The following MARS1 variants were observed in gnomAD, a reference collection of about 807,000 sequenced individuals.
MARS1 encodes the protein methionyl-tRNA synthetase 1, also known as methionine--tRNA ligase, cytoplasmic.
A neutral mutation model predicts 119.5 loss-of-function variants in MARS1; 80 were observed. The ratio of observed to expected loss-of-function variants is 0.67; its 90% CI spans 0.56 to 0.81. The LOEUF (loss-of-function observed/expected upper bound fraction) is 0.81, where lower values mean the gene tolerates loss of function less well. MARS1 is among the 30% of genes least tolerant of loss of function. The probability of loss-of-function intolerance (pLI) is 0.00; values close to 1 mark genes in which losing one functional copy is unlikely to be tolerated. For synonymous variants in MARS1, 418 were observed against 433.4 expected (o/e 0.96, Z 0.44); for missense variants, 945 against 1,116.5 (o/e 0.85, Z 2.19).
At chr12:57,500,806 CTCT>C (rs1006976756) in intron 10 of MARS1, among the ~76,000 whole-genome samples, 4 of 152,212 alleles carry the variant, frequency 2.6e-5, no homozygotes, top group African/African-American at 9.7e-5. Flanking sequence ...AGATCCTTCT[CTCT>C]TCTTTAAATA....
chr12:57,505,265 G>A (rs1473152845), intron 11 of MARS1, among the ~76,000 whole-genome samples: 2 of 151,550 alleles, frequency 1.3e-5, no homozygotes, highest in Admixed American at 6.6e-5. Flanking sequence ...AGGTTCAAGC[G>A]ATTCCTCTGC....
chr12:57,490,166 G>A, intron 5 of MARS1, 41 bp from the exon 6 acceptor site: 1 of 1,593,446 alleles, frequency 6.3e-7, no homozygotes, highest in Non-Finnish European at 8.6e-7. Flanking sequence ...TGCCTACCAG[G>A]TCCTTATGTT....
At chr12:57,513,383 C>A (rs1017399176) in intron 15 of MARS1, among the ~76,000 whole-genome samples, 2 of 152,096 alleles carry the variant, frequency 1.3e-5, no homozygotes, top group African/African-American at 2.4e-5. Context: ...CTTTGGGAGG[C>A]TGAGGCAGGA....
intron 15 of MARS1, among the ~76,000 whole-genome samples, chr12:57,513,627 A>C (rs1262429889): frequency 6.6e-6 from 1 of 151,780 alleles, no homozygotes; most frequent in East Asian, 1.9e-4. Context: ...AAAAAAAAAA[A>C]AAAAAAGGCT....
intron 4 of MARS1, 116 bp from the exon 5 acceptor site, chr12:57,489,770 GAGATCATATA>G: frequency 9.2e-7 from 1 of 1,082,932 alleles, no homozygotes; most frequent in Non-Finnish European, 1.4e-6. Flanking sequence ...AGGATTAAGT[GAGATCATATA>G]AAGTGCTTAA....
rs1002960311 is a variant in MARS1, at chr12:57,488,285, C to G, written c.109+86C>G. The G allele has an allele frequency of 1.2e-5, 15 of 1,290,600 alleles. No homozygotes were observed. In the African/African-American group the frequency reaches 2.0e-4, roughly 17 times the overall value. 79.9% of individuals were successfully genotyped at this position (1,290,600 alleles called of 1,614,324 possible). Reference sequence around the variant, plus strand: ...CTCTGCAGCTGTCTTTGCCAAACCCCTAGCCCTCGCCACACACCCCAATCG... The same window carrying G: ...CTCTGCAGCTGTCTTTGCCAAACCCGTAGCCCTCGCCACACACCCCAATCG... On this transcript the variant is annotated intron_variant, in intron 1 of 20. Transcript: ENST00000262027.
At chr12:57,514,059 CAAAAAAAAAAAAAATT>C (rs1877652572) in intron 15 of MARS1, among the ~76,000 whole-genome samples, 1 of 56,884 alleles carries the variant, frequency 1.8e-5, no homozygotes, top group Non-Finnish European at 3.6e-5. Context: ...TGAGAATCCT[CAAAAAAAAAAAAAATT>C]AAAAAAAAAA....
At chr12:57,501,819 C>CT (rs1339633712) in intron 10 of MARS1, among the ~76,000 whole-genome samples, 1 of 146,792 alleles carries the variant, frequency 6.8e-6, no homozygotes. Context: ...AAGACTCTGT[C>CT]TAAAAAAAAA....
In MARS1 at chr12:57,515,203, CTG is replaced by C. The variant is rs765760125; in HGVS notation, c.2260_2261del (p.Val754HisfsTer10). 6.2e-7 allele frequency: 1 copy of C among 1,614,234 alleles called. No homozygotes were observed. Among genetic ancestry groups the C allele is most frequent in the Non-Finnish European group, 8.5e-7 (1 of 1,180,048 alleles). On this transcript the variant is annotated frameshift_variant, in exon 18 of 21. Coordinates refer to ENST00000262027, the MANE Select transcript of MARS1 (RefSeq NM_004990.4). LOFTEE classifies it high-confidence loss of function. ...GCAGTGAATATAGCTGCCTTGCTCT[CTG>C]TCATGCTTCAGCCTTACATGCCCAC...
Position 57,500,427 on chromosome 12 carries a change from TTC to T in MARS1, c.1199_1200del (p.Phe400CysfsTer11). On this transcript the variant is annotated frameshift_variant, in exon 10 of 21. Transcript: ENST00000262027. LOFTEE classifies it high-confidence loss of function. ...CTGTGCTCGCTTCCTGGCTGACCGC[TTC>T]GTGGAGGGCGTGTGTCCCTTCTGTG... ...EHCARFLADRFVEGVCPFCGY... is the reference protein window; with the variant it reads ...EHCARFLADRXVEGVCPFCGY... The T allele has an allele frequency of 6.2e-7, 1 of 1,614,124 alleles. No individual in the cohort carries two copies. Among genetic ancestry groups the T allele is most frequent in the African/African-American group, 1.3e-5 (1 of 75,024 alleles).
In MARS1 at chr12:57,500,309, C is replaced by A; in HGVS notation, c.1092-12C>A. The stretch of plus-strand genomic sequence containing the variant: ...TGACTGTCTCTTCCTGATCCCTGGC[C>A]CACCTCACCAGAATCACCCAGGACA... On this transcript the variant is annotated splice_polypyrimidine_tract_variant and intron_variant, in intron 9 of 20. Transcript: ENST00000262027. 1 of 1,613,064 alleles carries A rather than the reference C, an allele frequency of 6.2e-7. No homozygotes were observed. Among genetic ancestry groups the A allele is most frequent in the South Asian group, 1.1e-5 (1 of 90,946 alleles).
chr12:57,507,672 T>A (rs1594828133), intron 11 of MARS1, among the ~76,000 whole-genome samples: 5 of 70,976 alleles, frequency 7.0e-5, no homozygotes, highest in East Asian at 1.0e-3. Flanking sequence ...GCCCCCCACC[T>A]CCCTCCCGGA....
At chr12:57,492,324 G>T (rs1325781533) in intron 7 of MARS1, among the ~76,000 whole-genome samples, 1 of 150,792 alleles carries the variant, frequency 6.6e-6, no homozygotes, top group Admixed American at 6.6e-5. Context: ...AGGTTGCTAT[G>T]CGAGGAAATA....
At chr12:57,501,793 G>T (rs1876927360) in intron 10 of MARS1, among the ~76,000 whole-genome samples, 3 of 151,142 alleles carry the variant, frequency 2.0e-5, no homozygotes. Context: ...CTGCATTCCA[G>T]CCTGGGTTAC....
At chr12:57,503,081 A>T (rs1351487857) in intron 10 of MARS1, among the ~76,000 whole-genome samples, 5 of 152,216 alleles carry the variant, frequency 3.3e-5, no homozygotes, top group Non-Finnish European at 7.3e-5. Flanking sequence ...CCTCTCTGAA[A>T]GATGGAAAAA....
Position 57,492,172 on chromosome 12 carries a change from G to A in MARS1, c.770+1528G>A, listed in dbSNP as rs532347211. On this transcript the variant is annotated intron_variant, in intron 7 of 20. Coordinates refer to ENST00000262027, the MANE Select transcript of MARS1 (RefSeq NM_004990.4). ...CGGGCACTTGTAGTCCCAGCTACTC[G>A]GGAAGGTGAGGCAGGAGAATCGCTT... Among the ~76,000 whole-genome samples, 8 of 151,664 alleles carry A rather than the reference G, an allele frequency of 5.3e-5. No homozygotes were observed. In the South Asian group the frequency reaches 8.3e-4, roughly 16 times the overall value.
chr12:57,515,856 CT>C (rs1877781342), intron 18 of MARS1, 63 bp from the exon 19 acceptor site: 17 of 1,254,460 alleles, frequency 1.4e-5, no homozygotes, highest in Non-Finnish European at 2.0e-5. Context: ...GAGAGGTCAT[CT>C]GTATAGTCTA....
chr12:57,505,992 C>T (rs1220112566), intron 11 of MARS1, among the ~76,000 whole-genome samples: 2 of 151,710 alleles, frequency 1.3e-5, no homozygotes, highest in Non-Finnish European at 2.9e-5. Flanking sequence ...CAGTGGCTCA[C>T]GCGTTAATCC....
chr12:57,494,724 G>A (rs1419801331), intron 7 of MARS1, among the ~76,000 whole-genome samples: 3 of 151,794 alleles, frequency 2.0e-5, no homozygotes, highest in Non-Finnish European at 4.4e-5. Context: ...CGAGCATGCT[G>A]CCTTCAAGCA....
Sources: allele counts gnomAD v4.1 joint callset (sites outside exome capture counted in the v4.1 genomes callset), GRCh38; gene constraint gnomAD v4.1.1; transcripts MANE v1.5; gene names NCBI Gene and HGNC (gene_info 2026-07-23, HGNC 2026-07-21).